ERC2: variants seen among roughly 807,000 people sequenced by gnomAD.
ERC2 encodes ELKS/RAB6-interacting/CAST family member 2, also known as ERC protein 2.
Under a neutral mutation model 114.8 loss-of-function variants are expected in ERC2, and 42 were observed. The ratio of observed to expected loss-of-function variants is 0.37; its 90% CI spans 0.29 to 0.47. The LOEUF (loss-of-function observed/expected upper bound fraction) is 0.47, where lower values mean the gene tolerates loss of function less well. ERC2 is among the 20% of genes least tolerant of loss of function. The pLI, the probability that ERC2 is intolerant of heterozygous loss-of-function variation, is 0.99. For synonymous variants in ERC2, 454 were observed against 425.5 expected (o/e 1.07, Z -0.82); for missense variants, 939 against 1,150.7 (o/e 0.82, Z 2.66).
chr3:55,531,857 A>G (rs1452528452), intron 17 of ERC2, among the ~76,000 whole-genome samples: 3 of 152,212 alleles, frequency 2.0e-5, no homozygotes, highest in Non-Finnish European at 4.4e-5. Flanking sequence ...GAAGAGTTTT[A>G]AGGCACATAG....
intron 14 of ERC2, among the ~76,000 whole-genome samples, chr3:55,886,636 T>C (rs2149316074): frequency 6.6e-6 from 1 of 152,346 alleles, no homozygotes; most frequent in South Asian, 2.1e-4. Flanking sequence ...ATTTTTGGTG[T>C]TTCTCAGCTA....
chr3:56,307,988 T>G (rs1321461568), intron 2 of ERC2, among the ~76,000 whole-genome samples: 1 of 152,152 alleles, frequency 6.6e-6, no homozygotes, highest in East Asian at 1.9e-4. Flanking sequence ...AGAACAGGTT[T>G]CCATTCCTCT....
At chr3:55,920,888 C>G (rs1354354182) in intron 13 of ERC2, among the ~76,000 whole-genome samples, 1 of 152,052 alleles carries the variant, frequency 6.6e-6, no homozygotes, top group African/African-American at 2.4e-5. Context: ...CATTTGACCA[C>G]AGAAGAACAG....
chr3:56,342,612 A>C (rs1045741125), intron 2 of ERC2, among the ~76,000 whole-genome samples: 1 of 152,208 alleles, frequency 6.6e-6, no homozygotes, highest in Non-Finnish European at 1.5e-5. Flanking sequence ...GAAATGAAAC[A>C]GTCTAGCCCT....
intron 15 of ERC2, among the ~76,000 whole-genome samples, chr3:55,729,499 T>C (rs2065114119): frequency 6.6e-6 from 1 of 152,076 alleles, no homozygotes; most frequent in Admixed American, 6.5e-5. Flanking sequence ...TACCATACAA[T>C]TTATGTATTA....
At chr3:55,677,489 A>G (rs1036034843) in intron 17 of ERC2, among the ~76,000 whole-genome samples, 1 of 152,164 alleles carries the variant, frequency 6.6e-6, no homozygotes, top group Non-Finnish European at 1.5e-5. Context: ...AGAAGTAACA[A>G]TAATAGTGAT....
At chr3:55,716,792 C>T (rs2064145119) in intron 15 of ERC2, among the ~76,000 whole-genome samples, 2 of 152,220 alleles carry the variant, frequency 1.3e-5, no homozygotes, top group African/African-American at 4.8e-5. Context: ...TCCAGTTATA[C>T]CTTTCCTGGT....
chr3:55,573,219 T>A (rs1047930719), intron 17 of ERC2, among the ~76,000 whole-genome samples: 5 of 151,754 alleles, frequency 3.3e-5, no homozygotes, highest in Non-Finnish European at 5.9e-5. Flanking sequence ...TTACCTCCAA[T>A]GTTTATTAGC....
chr3:55,695,595 G>A (rs1212611039), intron 16 of ERC2, among the ~76,000 whole-genome samples: 1 of 152,074 alleles, frequency 6.6e-6, no homozygotes, highest in Non-Finnish European at 1.5e-5. Flanking sequence ...AGATCTACTG[G>A]GTTATTGGTG....
chr3:55,981,313 TA>T (rs1040687237), intron 12 of ERC2, among the ~76,000 whole-genome samples: 2 of 152,208 alleles, frequency 1.3e-5, no homozygotes, highest in African/African-American at 4.8e-5. Flanking sequence ...AGCATTAGAA[TA>T]AGGCAGCTTT....
intron 7 of ERC2, among the ~76,000 whole-genome samples, chr3:56,055,616 T>C (rs2075979571): frequency 6.6e-6 from 1 of 152,188 alleles, no homozygotes; most frequent in Admixed American, 6.5e-5. Flanking sequence ...TACTAGAATG[T>C]CCCGTATAAC....
At chr3:56,184,642 G>A (rs1205453672) in intron 3 of ERC2, among the ~76,000 whole-genome samples, 1 of 152,128 alleles carries the variant, frequency 6.6e-6, no homozygotes, top group Non-Finnish European at 1.5e-5. Flanking sequence ...AGCACGGTCA[G>A]TCTGAGGTCT....
At chr3:55,712,936 G>A (rs1234749481) in intron 15 of ERC2, among the ~76,000 whole-genome samples, 3 of 152,090 alleles carry the variant, frequency 2.0e-5, no homozygotes, top group African/African-American at 7.2e-5. Flanking sequence ...AATAAAGCCT[G>A]AAACTAAGTC....
At chr3:55,778,084 T>G (rs1220349554) in intron 14 of ERC2, among the ~76,000 whole-genome samples, 1 of 152,212 alleles carries the variant, frequency 6.6e-6, no homozygotes, top group Non-Finnish European at 1.5e-5. Flanking sequence ...AAAAAATATA[T>G]TTAAAAAAAT....
intron 17 of ERC2, among the ~76,000 whole-genome samples, chr3:55,555,772 A>T (rs2055560103): frequency 6.6e-6 from 1 of 152,236 alleles, no homozygotes; most frequent in Non-Finnish European, 1.5e-5. Flanking sequence ...ATTAATCAGC[A>T]ACCTGTGCTC....
chr3:56,321,201 C>T (rs779884319), intron 2 of ERC2, among the ~76,000 whole-genome samples: 2 of 151,924 alleles, frequency 1.3e-5, no homozygotes, highest in East Asian at 1.9e-4. Flanking sequence ...CTCATATTTT[C>T]GTGTGAAAAG....
At chr3:56,300,067 T>C (rs2055760735) in intron 2 of ERC2, among the ~76,000 whole-genome samples, 2 of 152,006 alleles carry the variant, frequency 1.3e-5, no homozygotes, top group South Asian at 4.1e-4. Flanking sequence ...TCATAATGCC[T>C]ACTATAGGGT....
intron 13 of ERC2, among the ~76,000 whole-genome samples, chr3:55,948,354 T>A (rs1287925497): frequency 6.6e-6 from 1 of 152,216 alleles, no homozygotes; most frequent in Non-Finnish European, 1.5e-5. Context: ...AGCTAAATCC[T>A]GGCTGACTGA....
At chr3:55,539,899 A>G (rs1290784506) in intron 17 of ERC2, among the ~76,000 whole-genome samples, 1 of 151,598 alleles carries the variant, frequency 6.6e-6, no homozygotes, top group Non-Finnish European at 1.5e-5. Context: ...CATTGTAAAT[A>G]ATACTAATTT....
Sources: allele counts gnomAD v4.1 joint callset (sites outside exome capture counted in the v4.1 genomes callset), GRCh38; gene constraint gnomAD v4.1.1; transcripts MANE v1.5; gene names NCBI Gene and HGNC (gene_info 2026-07-23, HGNC 2026-07-21).